MUSK: variants seen among roughly 807,000 people sequenced by gnomAD.
MUSK encodes the protein muscle associated receptor tyrosine kinase.
Under a neutral mutation model 88.7 loss-of-function variants are expected in MUSK, and 55 were observed. The observed-to-expected ratio is 0.62, with a 90% CI of 0.50 to 0.78. MUSK has a LOEUF of 0.78. Among genes scored for constraint, MUSK ranks in the 30% least tolerant of loss-of-function variants. The probability of loss-of-function intolerance (pLI) is 0.00; values close to 1 mark genes in which losing one functional copy is unlikely to be tolerated. For missense variants in MUSK, 1,015 were observed against 1,074.3 expected (o/e 0.94, Z 0.77); for synonymous variants, 387 against 391.9 (o/e 0.99, Z 0.15).
intron 9 of MUSK, among the ~76,000 whole-genome samples, chr9:110,772,429 T>C (rs185616709): frequency 2.1e-4 from 32 of 152,030 alleles, no homozygotes; most frequent in Non-Finnish European, 4.4e-4. Flanking sequence ...CCCATTGTTA[T>C]TTAAATAAGT....
chr9:110,762,310 G>C, intron 8 of MUSK, 102 bp downstream of exon 8: 1 of 770,944 alleles, frequency 1.3e-6, no homozygotes, highest in Non-Finnish European at 1.9e-6. Context: ...GCCCAGGCTG[G>C]AGTGCGGTGG....
Position 110,689,770 on chromosome 9 carries a change from T to TAA in MUSK, c.358+2502_358+2503insAA, listed in dbSNP as rs1564218181. On this transcript the variant is annotated intron_variant, in intron 3 of 14. Coordinates refer to ENST00000374448, the MANE Select transcript of MUSK (RefSeq NM_005592.4). ...ATATATTATATATAAACTATATATA[T>TAA]CACATATAGTTTATATATTTTTTAA... Among the ~76,000 whole-genome samples the TAA allele has an allele frequency of 4.0e-5, 3 of 75,090 alleles. No individual in the cohort carries two copies. The East Asian group carries it at 1.1e-3, about 27-fold the overall frequency. 49.3% of individuals were successfully genotyped at this position (75,090 alleles called of 152,430 possible).
intron 5 of MUSK, among the ~76,000 whole-genome samples, chr9:110,702,612 T>C (rs1290723979): frequency 6.6e-6 from 1 of 152,046 alleles, no homozygotes; most frequent in African/African-American, 2.4e-5. Flanking sequence ...AAAATGAACA[T>C]ACAAACTGGT....
intron 7 of MUSK, among the ~76,000 whole-genome samples, chr9:110,753,572 A>G (rs1026121757): frequency 1.3e-5 from 2 of 152,110 alleles, no homozygotes; most frequent in African/African-American, 4.8e-5. Flanking sequence ...ATGTTTATCC[A>G]GTCTCAGAGT....
intron 5 of MUSK, among the ~76,000 whole-genome samples, chr9:110,714,444 T>G (rs1352094779): frequency 6.6e-6 from 1 of 152,152 alleles, no homozygotes; most frequent in East Asian, 1.9e-4. Flanking sequence ...AGAGAGTCAC[T>G]GTATTTGAGG....
intron 11 of MUSK, among the ~76,000 whole-genome samples, chr9:110,783,694 T>C (rs1296958098): frequency 6.6e-6 from 1 of 152,030 alleles, no homozygotes; most frequent in Non-Finnish European, 1.5e-5. Context: ...TGCTTGTGTA[T>C]GGCTGTTACT....
intron 6 of MUSK, among the ~76,000 whole-genome samples, chr9:110,736,865 C>G (rs905858628): frequency 1.3e-5 from 2 of 151,950 alleles, no homozygotes; most frequent in Non-Finnish European, 2.9e-5. Context: ...TATGAAGCTC[C>G]TTGGGCATCC....
At chr9:110,798,423 T>C (rs1309990388) in intron 14 of MUSK, among the ~76,000 whole-genome samples, 3 of 152,200 alleles carry the variant, frequency 2.0e-5, no homozygotes, top group Non-Finnish European at 4.4e-5. Context: ...GCATTGAATA[T>C]TATAGACTCT....
intron 5 of MUSK, among the ~76,000 whole-genome samples, chr9:110,704,397 A>G (rs2076569835): frequency 6.6e-6 from 1 of 152,194 alleles, no homozygotes; most frequent in Non-Finnish European, 1.5e-5. Flanking sequence ...CCTCTTCTCT[A>G]AAATAGAGAT....
intron 3 of MUSK, among the ~76,000 whole-genome samples, chr9:110,689,968 ATAT>A (rs1444138805): frequency 2.6e-5 from 2 of 75,582 alleles, no homozygotes; most frequent in East Asian, 3.4e-4. Context: ...ATATATTTAT[ATAT>A]TATATTATAA....
intron 3 of MUSK, among the ~76,000 whole-genome samples, chr9:110,688,837 A>T (rs954512700): frequency 3.3e-5 from 5 of 151,288 alleles, no homozygotes; most frequent in Non-Finnish European, 7.4e-5. Context: ...GTGTTTAGGT[A>T]CCACATTTTC....
At chr9:110,699,185 T>C (rs2076470707) in intron 5 of MUSK, among the ~76,000 whole-genome samples, 1 of 152,182 alleles carries the variant, frequency 6.6e-6, no homozygotes, top group Admixed American at 6.6e-5. Flanking sequence ...TCAGTAACAT[T>C]GAATACTGCC....
chr9:110,685,718 G>T (rs1159524825), intron 2 of MUSK, among the ~76,000 whole-genome samples: 2 of 152,084 alleles, frequency 1.3e-5, no homozygotes, highest in East Asian at 3.8e-4. Context: ...GTCTGTTCAT[G>T]ATAATTTAGG....
In MUSK at chr9:110,767,937, G is replaced by T. The variant is rs764142979; in HGVS notation, c.1038G>T (p.Glu346Asp). 5.6e-6 allele frequency: 9 copies of T among 1,613,786 alleles called. No individual in the cohort carries two copies. The highest frequency in any genetic ancestry group is 1.7e-5 in the Admixed American group (1 of 59,980). ...ACACCTCCTATGCGGACCCTGAGGA[G>T]GCCCAAGAGCTACTGGTCCACACGG... ...FLNTSYADPE[E>D]AQELLVHTAW... Residue 346 changes from glutamate to aspartate, a missense_variant, in exon 9 of 15, where the codon GAG becomes GAT. Transcript: ENST00000374448.
chr9:110,703,789 A>G (rs1199856169), intron 5 of MUSK, among the ~76,000 whole-genome samples: 1 of 152,164 alleles, frequency 6.6e-6, no homozygotes, highest in African/African-American at 2.4e-5. Context: ...GAAAGAGAAA[A>G]TACAGAAAAT....
At chr9:110,699,354 C>T (rs978529517) in intron 5 of MUSK, among the ~76,000 whole-genome samples, 8 of 152,054 alleles carry the variant, frequency 5.3e-5, no homozygotes, top group African/African-American at 1.9e-4. Context: ...GCACACATGC[C>T]TATTTCTACC....
intron 11 of MUSK, among the ~76,000 whole-genome samples, chr9:110,782,309 A>G (rs980787556): frequency 6.6e-6 from 1 of 152,230 alleles, no homozygotes. Context: ...ATGTAGTTCA[A>G]GGGAAGATCA....
At chr9:110,692,759 G>A (rs2076374970) in intron 3 of MUSK, among the ~76,000 whole-genome samples, 2 of 151,834 alleles carry the variant, frequency 1.3e-5, no homozygotes, top group Admixed American at 6.6e-5. Context: ...TCACTTGTAT[G>A]ATACAATATT....
rs116916054 is a variant in MUSK at position 110,700,289 on chromosome 9, G to A, written c.628+2823G>A. 8.6e-3 allele frequency among the ~76,000 whole-genome samples: 1,312 copies of A among 152,256 alleles called. 7 individuals carry two copies. The highest frequency in any genetic ancestry group is 0.014 in the Non-Finnish European group (947 of 68,004). On this transcript the variant is annotated intron_variant, in intron 5 of 14. Coordinates refer to ENST00000374448, the MANE Select transcript of MUSK (RefSeq NM_005592.4). ...AAGGGCCCTATATTCTGCCATTTTA[G>A]GAAACAGAGGAATAGAGAGGATAGC...
Sources: allele counts gnomAD v4.1 joint callset (sites outside exome capture counted in the v4.1 genomes callset), GRCh38; gene constraint gnomAD v4.1.1; transcripts MANE v1.5; gene names NCBI Gene and HGNC (gene_info 2026-07-23, HGNC 2026-07-21).